ESRRG: variants seen among roughly 807,000 people sequenced by gnomAD.
ESRRG encodes the protein estrogen related receptor gamma, also known as estrogen-related receptor gamma.
In ESRRG, 13 loss-of-function variants were observed where a neutral mutation model predicts 44.0. The observed-to-expected ratio is 0.30, with a 90% CI of 0.19 to 0.47. The LOEUF (loss-of-function observed/expected upper bound fraction) is 0.47. Among genes scored for constraint, ESRRG ranks in the 20% least tolerant of loss-of-function variants. ESRRG has a pLI of 1.00. For synonymous variants in ESRRG, 215 were observed against 214.6 expected (o/e 1.00, Z -0.02); for missense variants, 395 against 580.6 (o/e 0.68, Z 3.29).
At chr1:216,864,293 A>T (rs1304399813) in intron 2 of ESRRG, 2 of 149,268 alleles carry the variant, frequency 1.3e-5, no homozygotes, top group Admixed American at 6.8e-5. Flanking sequence ...TTTTGATCAC[A>T]ATTTCCTAGG....
At chr1:216,511,513 T>G (rs1342307895) in intron 6 of ESRRG, among the ~76,000 whole-genome samples, 1 of 84,398 alleles carries the variant, frequency 1.2e-5, no homozygotes, top group Non-Finnish European at 3.2e-5. Flanking sequence ...ACAGAAAAAC[T>G]AGGTGACAGG....
intron 2 of ESRRG, among the ~76,000 whole-genome samples, chr1:216,868,423 G>A (rs2096208095): frequency 6.6e-6 from 1 of 152,052 alleles, no homozygotes; most frequent in Non-Finnish European, 1.5e-5. Flanking sequence ...GCTGAGTAGT[G>A]TTTCATTGGA....
At chr1:216,853,625 T>G (rs1271365328) in intron 2 of ESRRG, among the ~76,000 whole-genome samples, 2 of 152,162 alleles carry the variant, frequency 1.3e-5, no homozygotes, top group Non-Finnish European at 2.9e-5. Flanking sequence ...ACACTCAGTG[T>G]ATCCACCCAT....
chr1:216,620,492 G>A (rs1356333411), intron 3 of ESRRG, among the ~76,000 whole-genome samples: 1 of 152,104 alleles, frequency 6.6e-6, no homozygotes, highest in Non-Finnish European at 1.5e-5. Context: ...ACAGTTTGGA[G>A]AAGGATATAC....
chr1:216,608,759 T>C (rs949589648), intron 3 of ESRRG, among the ~76,000 whole-genome samples: 1 of 152,200 alleles, frequency 6.6e-6, no homozygotes, highest in South Asian at 2.1e-4. Flanking sequence ...TCATTTAAAA[T>C]AGGCAGAAAT....
intron 1 of ESRRG, among the ~76,000 whole-genome samples, chr1:217,014,339 A>G (rs1486976080): frequency 6.6e-6 from 1 of 152,082 alleles, no homozygotes. Flanking sequence ...TTTGTGGGAT[A>G]TTTTAAAAAT....
chr1:216,634,955 T>A (rs2064997878), intron 3 of ESRRG, among the ~76,000 whole-genome samples: 1 of 152,152 alleles, frequency 6.6e-6, no homozygotes, highest in Non-Finnish European at 1.5e-5. Context: ...TTTCTTTCTT[T>A]GTTTCCCCTC....
chr1:216,625,733 A>G (rs766277664), intron 3 of ESRRG, among the ~76,000 whole-genome samples: 2 of 152,172 alleles, frequency 1.3e-5, no homozygotes, highest in Admixed American at 1.3e-4. Context: ...AATAATATCT[A>G]TTTCATACAG....
At chr1:216,842,618 T>C (rs1438167676) in intron 2 of ESRRG, among the ~76,000 whole-genome samples, 1 of 152,196 alleles carries the variant, frequency 6.6e-6, no homozygotes. Context: ...GCAACCAGAC[T>C]GTCACCCAAG....
At chr1:216,555,908 C>T (rs572588197) in intron 5 of ESRRG, among the ~76,000 whole-genome samples, 8 of 151,852 alleles carry the variant, frequency 5.3e-5, no homozygotes, top group South Asian at 2.1e-4. Flanking sequence ...TAAAGGGGGA[C>T]GCAGGGGAAA....
chr1:216,834,450 C>G (rs2095532989), intron 2 of ESRRG, among the ~76,000 whole-genome samples: 2 of 151,762 alleles, frequency 1.3e-5, no homozygotes, highest in South Asian at 4.2e-4. Context: ...ATAACTCTAC[C>G]CGTAATATAA....
At chr1:216,768,476 A>ATCTATCTATCTATCTATCTATCTATCTG (rs1559558530) in intron 2 of ESRRG, among the ~76,000 whole-genome samples, 2 of 149,400 alleles carry the variant, frequency 1.3e-5, no homozygotes, top group African/African-American at 2.5e-5. Flanking sequence ...CTATCTATCT[A>ATCTATCTATCTATCTATCTATCTATCTG]TCTATCTATC....
At chr1:216,697,100 G>A (rs1034275236) in intron 1 of ESRRG, among the ~76,000 whole-genome samples, 1 of 151,894 alleles carries the variant, frequency 6.6e-6, no homozygotes, top group Non-Finnish European at 1.5e-5. Flanking sequence ...CAACTAGCTG[G>A]GACTACAGGC....
At chr1:216,834,058 T>A (rs1455926605) in intron 2 of ESRRG, among the ~76,000 whole-genome samples, 1 of 152,050 alleles carries the variant, frequency 6.6e-6, no homozygotes, top group Non-Finnish European at 1.5e-5. Flanking sequence ...CATTGTACAG[T>A]TCACACATTT....
chr1:217,038,726 A>C (rs933179242), intron 1 of ESRRG, among the ~76,000 whole-genome samples: 1 of 152,250 alleles, frequency 6.6e-6, no homozygotes, highest in Non-Finnish European at 1.5e-5. Flanking sequence ...TCTGACCTGC[A>C]CTGGAGACAT....
intron 1 of ESRRG, among the ~76,000 whole-genome samples, chr1:216,722,182 A>G (rs150322480): frequency 1.3e-5 from 2 of 152,334 alleles, no homozygotes; most frequent in East Asian, 1.9e-4. Context: ...TTTCTTCACA[A>G]TCTATAGAGA....
chr1:216,845,273 T>C (rs2095724680), intron 2 of ESRRG, among the ~76,000 whole-genome samples: 1 of 152,160 alleles, frequency 6.6e-6, no homozygotes, highest in Admixed American at 6.5e-5. Flanking sequence ...AGGAGTACCA[T>C]AAATATTTGT....
chr1:216,521,840 TC>T (rs1331603554), intron 5 of ESRRG, among the ~76,000 whole-genome samples: 1 of 152,070 alleles, frequency 6.6e-6, no homozygotes, highest in African/African-American at 2.4e-5. Flanking sequence ...AAACGCTGTT[TC>T]AGGACACATT....
intron 2 of ESRRG, among the ~76,000 whole-genome samples, chr1:216,794,853 G>C (rs1042857841): frequency 6.6e-6 from 1 of 152,164 alleles, no homozygotes; most frequent in African/African-American, 2.4e-5. Context: ...TATACCTTCA[G>C]GGAACATGAA....
Sources: allele counts gnomAD v4.1 joint callset (sites outside exome capture counted in the v4.1 genomes callset), GRCh38; gene constraint gnomAD v4.1.1; transcripts MANE v1.5; gene names NCBI Gene and HGNC (gene_info 2026-07-23, HGNC 2026-07-21).